Variants in DSCAML1 observed in about 807,000 individuals in gnomAD.
DSCAML1 encodes the protein DS cell adhesion molecule like 1.
Under a neutral mutation model 200.5 loss-of-function variants are expected in DSCAML1, and 38 were observed. That is an observed-to-expected ratio of 0.19 (90% CI 0.15 to 0.25). The LOEUF is 0.25. Among genes scored for constraint, DSCAML1 ranks in the 10% least tolerant of loss-of-function variants. The pLI is 1.00. For synonymous variants in DSCAML1, 1,215 were observed against 1,165.0 expected (o/e 1.04, Z -0.87); for missense variants, 2,223 against 2,858.8 (o/e 0.78, Z 5.07).
Position 117,683,908 on chromosome 11 carries a change from T to C in DSCAML1, c.511+92883A>G, listed in dbSNP as rs951211522. Among the ~76,000 whole-genome samples the C allele has an allele frequency of 2.0e-5, 3 of 152,178 alleles. No individual in the cohort carries two copies. In the East Asian group the frequency reaches 5.8e-4, roughly 29 times the overall value. ...ACCCCCACCCAGGGTCCCAATACCT[T>C]CTTTCAAGGACACAGAAGGGTGGTA... On this transcript the variant is annotated intron_variant, in intron 3 of 32. Coordinates refer to ENST00000651296, the MANE Select transcript of DSCAML1 (RefSeq NM_020693.4).
intron 19 of DSCAML1, among the ~76,000 whole-genome samples, chr11:117,457,409 A>C (rs1269636409): frequency 1.3e-5 from 2 of 152,192 alleles, no homozygotes; most frequent in Non-Finnish European, 2.9e-5. Context: ...GGCAAGAAGA[A>C]GGCTGGGGGC....
intron 3 of DSCAML1, among the ~76,000 whole-genome samples, chr11:117,582,993 T>TATTATTATTATTATTATG (rs2051071149): frequency 2.1e-4 from 1 of 4,678 alleles, no homozygotes; most frequent in Admixed American, 1.8e-3. Context: ...GAGACAGGGA[T>TATTATTATTATTATTATG]ATTATTATTA....
chr11:117,732,589 TAG>T lies in DSCAML1; in HGVS notation c.511+44200_511+44201del, dbSNP rs1346247296. On this transcript the variant is annotated intron_variant, in intron 3 of 32. Transcript: ENST00000651296. ...TCCGACCGGGGAACCTCTTAGGACT[TAG>T]ACCACACACATGCAGGCCAGCTCTG... Among the ~76,000 whole-genome samples the T allele has an allele frequency of 3.9e-5, 6 of 152,252 alleles. No homozygotes were observed. In the East Asian group the frequency reaches 1.2e-3, roughly 29 times the overall value.
intron 3 of DSCAML1, among the ~76,000 whole-genome samples, chr11:117,563,372 T>A (rs2050699369): frequency 6.6e-6 from 1 of 152,022 alleles, no homozygotes; most frequent in Non-Finnish European, 1.5e-5. Flanking sequence ...GTTCCCCAGC[T>A]CTCCAGGCTT....
At chr11:117,667,138 A>G (rs1160787223) in intron 3 of DSCAML1, among the ~76,000 whole-genome samples, 2 of 152,186 alleles carry the variant, frequency 1.3e-5, no homozygotes, top group Non-Finnish European at 2.9e-5. Context: ...GTGGTTGGGC[A>G]CGATGGCTCA....
At chr11:117,584,320 A>G (rs1483534988) in intron 3 of DSCAML1, among the ~76,000 whole-genome samples, 3 of 152,138 alleles carry the variant, frequency 2.0e-5, no homozygotes, top group Non-Finnish European at 4.4e-5. Flanking sequence ...ACCCAGCCCC[A>G]CCACCGGGAT....
chr11:117,501,992 G>A (rs747893421), intron 11 of DSCAML1, among the ~76,000 whole-genome samples: 11 of 152,170 alleles, frequency 7.2e-5, no homozygotes, highest in Non-Finnish European at 1.3e-4. Flanking sequence ...GAGCCCCAGC[G>A]TGTGTGTGGT....
At chr11:117,679,979 C>T (rs1049431468) in intron 3 of DSCAML1, among the ~76,000 whole-genome samples, 1 of 152,164 alleles carries the variant, frequency 6.6e-6, no homozygotes, top group Non-Finnish European at 1.5e-5. Context: ...GGGTCTTTGC[C>T]TGGCCTGAGT....
At chr11:117,551,704 T>TTGGGGAAAGCTG (rs1660811810) in intron 3 of DSCAML1, among the ~76,000 whole-genome samples, 1 of 151,446 alleles carries the variant, frequency 6.6e-6, no homozygotes, top group Non-Finnish European at 1.5e-5. Flanking sequence ...GGAAAGGGGG[T>TTGGGGAAAGCTG]CTGGAGGGGA....
intron 1 of DSCAML1, among the ~76,000 whole-genome samples, chr11:117,809,040 C>T (rs565608622): frequency 9.2e-5 from 14 of 152,332 alleles, no homozygotes; most frequent in Admixed American, 3.3e-4. Context: ...CTAGCAGCTC[C>T]GTCACTGCCC....
chr11:117,599,524 G>A (rs544239357), intron 3 of DSCAML1, among the ~76,000 whole-genome samples: 1 of 152,330 alleles, frequency 6.6e-6, no homozygotes, highest in Admixed American at 6.5e-5. Context: ...TGGGTGAAAA[G>A]GTGATGTTTG....
intron 3 of DSCAML1, among the ~76,000 whole-genome samples, chr11:117,731,210 G>T (rs2137817882): frequency 6.6e-6 from 1 of 152,214 alleles, no homozygotes; most frequent in Non-Finnish European, 1.5e-5. Context: ...CAGAGAAGGT[G>T]GTCAATCACA....
At chr11:117,568,308 G>A (rs369522076) in intron 3 of DSCAML1, among the ~76,000 whole-genome samples, 3 of 151,818 alleles carry the variant, frequency 2.0e-5, no homozygotes, top group African/African-American at 4.8e-5. Flanking sequence ...CTTTGAAAAC[G>A]GGCACAAGAC....
rs71469141 is a variant in DSCAML1, at chr11:117,656,496, C to CATCTATCTATCTATCT, written c.511+120279_511+120294dup. Among the ~76,000 whole-genome samples the CATCTATCTATCTATCT allele has an allele frequency of 2.1e-3, 306 of 147,396 alleles. 1 individual carries two copies. The highest frequency in any genetic ancestry group is 6.2e-3 in the East Asian group (31 of 4,982). The stretch of plus-strand genomic sequence containing the variant: ...GACTGTTCTAAACATTTACCTAAAT[C>CATCTATCTATCTATCT]ATCTATCTATCTATCTATCTATCTA... On this transcript the variant is annotated intron_variant, in intron 3 of 32. Transcript: ENST00000651296.
chr11:117,473,535 G>A (rs898116092), intron 14 of DSCAML1, among the ~76,000 whole-genome samples: 25 of 151,972 alleles, frequency 1.6e-4, no homozygotes, highest in African/African-American at 5.3e-4. Flanking sequence ...ACAGAAAAAC[G>A]TAATGCCTGA....
Position 117,505,339 on chromosome 11 carries a change from G to C in DSCAML1, c.2062+115C>G. 1 of 1,404,800 alleles carries C rather than the reference G, an allele frequency of 7.1e-7. No homozygotes were observed. Among genetic ancestry groups the C allele is most frequent in the Non-Finnish European group, 9.6e-7 (1 of 1,043,258 alleles). The allele number at this position is 1,404,800 out of a possible 1,614,324, so 87.0% of individuals were successfully genotyped here. On this transcript the variant is annotated intron_variant, in intron 9 of 32. Transcript: ENST00000651296. The surrounding 1 kb of genome is among the most constrained non-coding windows in gnomAD (Gnocchi z 6.7). ...GTTTAGGCTCCAACAGGCCCTTCAA[G>C]ATGCTGGAGCCCACCTTCCATGAGC...
chr11:117,429,005 T>A (rs1461447779), intron 32 of DSCAML1, among the ~76,000 whole-genome samples: 1 of 152,200 alleles, frequency 6.6e-6, no homozygotes, highest in Non-Finnish European at 1.5e-5. Flanking sequence ...GAAGTGGGGA[T>A]GATCTTACTT....
At position 117,489,305 on chromosome 11, in the gene DSCAML1, G is replaced by C. The variant is rs1266627009; in HGVS notation, c.2360-7143C>G. 1.3e-5 allele frequency among the ~76,000 whole-genome samples: 2 copies of C among 152,208 alleles called. No individual in the cohort carries two copies. Among genetic ancestry groups the C allele is most frequent in the Non-Finnish European group, 2.9e-5 (2 of 68,038 alleles). The stretch of plus-strand genomic sequence containing the variant: ...AGCCGGGGTGGGGTATATGCACAGG[G>C]CTGGGTCCTGCGTGACAAATGCTAA... On this transcript the variant is annotated intron_variant, in intron 11 of 32. Coordinates refer to ENST00000651296, the MANE Select transcript of DSCAML1 (RefSeq NM_020693.4). This position sits in a 1 kb window ranked among gnomAD's most constrained non-coding sequence, Gnocchi z 4.8.
chr11:117,451,465 C>T (rs568330569), intron 19 of DSCAML1, among the ~76,000 whole-genome samples: 1 of 152,362 alleles, frequency 6.6e-6, no homozygotes, highest in South Asian at 2.1e-4. Flanking sequence ...CTCTGAGCCT[C>T]CGTTTCCCTA....
Sources: gnomAD v4.1 joint callset for allele counts (sites outside exome capture counted in the v4.1 genomes callset) on GRCh38, gnomAD v4.1.1 for gene constraint, Gnocchi (gnomAD v3.1) non-coding constraint, MANE v1.5 for transcripts, NCBI Gene and HGNC (gene_info 2026-07-23, HGNC 2026-07-21) for gene names.